The following LARGE1 variants were observed in gnomAD, a reference collection of about 807,000 sequenced individuals.
The protein encoded by LARGE1 is LARGE xylosyl- and glucuronyltransferase 1, also known as xylosyl- and glucuronyltransferase LARGE1.
Under a neutral mutation model 87.6 loss-of-function variants are expected in LARGE1, and 43 were observed. That is an observed-to-expected ratio of 0.49 (90% CI 0.38 to 0.63). The LOEUF is 0.63. Among genes scored for constraint, LARGE1 ranks in the 30% least tolerant of loss-of-function variants. The pLI, the probability that LARGE1 is intolerant of heterozygous loss-of-function variation, is 0.00. For missense variants in LARGE1, 802 were observed against 1,000.2 expected (o/e 0.80, Z 2.67); for synonymous variants, 434 against 394.6 (o/e 1.10, Z -1.18).
intron 11 of LARGE1, among the ~76,000 whole-genome samples, chr22:33,251,080 C>T (rs562269901): frequency 6.6e-6 from 1 of 152,270 alleles, no homozygotes; most frequent in East Asian, 1.9e-4. Context: ...GGTACAATTT[C>T]TTCCTCAAAT....
At chr22:33,517,484 C>T (rs982330731) in intron 6 of LARGE1, among the ~76,000 whole-genome samples, 11 of 152,322 alleles carry the variant, frequency 7.2e-5, no homozygotes, top group Admixed American at 2.0e-4. Flanking sequence ...GGTTCAAGCG[C>T]GATTCTCCTG....
chr22:33,416,360 C>T (rs2066483047), intron 7 of LARGE1, among the ~76,000 whole-genome samples: 1 of 152,182 alleles, frequency 6.6e-6, no homozygotes, highest in South Asian at 2.1e-4. Flanking sequence ...TCTGCAAAGT[C>T]CATGCCACCA....
At chr22:33,219,000 C>G (rs55654459) in intron 11 of LARGE1, among the ~76,000 whole-genome samples, 2,744 of 152,286 alleles carry the variant, frequency 0.018, 32 homozygotes, top group Non-Finnish European at 0.028. Context: ...CCGCCTTTAT[C>G]TGCTATCTGG....
chr22:33,097,428 C>T, the LARGE1 span, among the ~76,000 whole-genome samples: 1 of 152,118 alleles, frequency 6.6e-6, no homozygotes, highest in Admixed American at 6.5e-5. Context: ...AGTACTTCAC[C>T]AATTGCTATA....
rs537192654 is a variant in LARGE1, at chr22:33,241,977, T to C, written c.1730+62252A>G. The stretch of plus-strand genomic sequence containing the variant: ...CTATAATTAATAATGCATTACATAA[T>C]TCAAAATTGCTAAAAGTAGATCTTA... On this transcript the variant is annotated intron_variant, in intron 11 of 11. Coordinates refer to the LARGE1 transcript ENST00000608642. Among the ~76,000 whole-genome samples the C allele has an allele frequency of 2.0e-5, 3 of 152,234 alleles. No homozygotes were observed. In the South Asian group the frequency reaches 6.2e-4, roughly 32 times the overall value.
At chr22:33,619,977 AC>A (rs1256823119) in intron 4 of LARGE1, among the ~76,000 whole-genome samples, 1 of 152,022 alleles carries the variant, frequency 6.6e-6, no homozygotes, top group African/African-American at 2.4e-5. Context: ...GCTTAGGGTC[AC>A]CCAGCTCAGG....
intron 2 of LARGE1, among the ~76,000 whole-genome samples, chr22:33,677,536 C>T (rs1203744327): frequency 6.6e-6 from 1 of 152,094 alleles, no homozygotes; most frequent in Non-Finnish European, 1.5e-5. Flanking sequence ...TGTTTATCTC[C>T]TCTCTCCTTC....
At chr22:33,249,743 A>AT (rs1212777934) in intron 11 of LARGE1, among the ~76,000 whole-genome samples, 4 of 152,094 alleles carry the variant, frequency 2.6e-5, no homozygotes, top group Non-Finnish European at 4.4e-5. Context: ...CTCTAGATGT[A>AT]TTTTTTGCAT....
intron 10 of LARGE1, among the ~76,000 whole-genome samples, chr22:33,321,694 G>A (rs534874646): frequency 2.4e-4 from 36 of 152,334 alleles, no homozygotes; most frequent in Non-Finnish European, 4.1e-4. Context: ...TGTGTGTGGA[G>A]AAATGGGTCC....
the LARGE1 span, among the ~76,000 whole-genome samples, chr22:33,088,879 CAAGGTTAATTACAGTGTGAGA>C: frequency 6.6e-6 from 1 of 152,142 alleles, no homozygotes; most frequent in Non-Finnish European, 1.5e-5. Flanking sequence ...TCCTATTTCA[CAAGGTTAATTACAGTGTGAGA>C]TAATCCTTTG....
intron 9 of LARGE1, among the ~76,000 whole-genome samples, chr22:33,375,548 T>C (rs942542237): frequency 6.6e-6 from 1 of 152,146 alleles, no homozygotes; most frequent in Non-Finnish European, 1.5e-5. Context: ...ATTGGTTATA[T>C]CATCAAGGCT....
At chr22:33,639,614 G>A (rs1231793543) in intron 3 of LARGE1, among the ~76,000 whole-genome samples, 6 of 152,090 alleles carry the variant, frequency 3.9e-5, no homozygotes, top group Non-Finnish European at 8.8e-5. Context: ...AATTGTCTAA[G>A]GTCACAAGAC....
intron 2 of LARGE1, among the ~76,000 whole-genome samples, chr22:33,660,099 T>G (rs901038205): frequency 1.3e-4 from 20 of 151,068 alleles, no homozygotes; most frequent in African/African-American, 4.6e-4. Flanking sequence ...TGTTTTTTTT[T>G]TTTTTTTTTG....
chr22:33,910,155 A>AAG (rs1368726509), intron 1 of LARGE1, among the ~76,000 whole-genome samples: 1 of 152,140 alleles, frequency 6.6e-6, no homozygotes, highest in African/African-American at 2.4e-5. Flanking sequence ...TTAACTTATG[A>AAG]CACATTTTTT....
chr22:33,629,963 C>T (rs2080051738), intron 3 of LARGE1, among the ~76,000 whole-genome samples: 1 of 152,168 alleles, frequency 6.6e-6, no homozygotes, highest in Non-Finnish European at 1.5e-5. Flanking sequence ...CTTTGGGAGG[C>T]CGAGGCGGCG....
the LARGE1 span, among the ~76,000 whole-genome samples, chr22:33,070,788 T>C: frequency 6.6e-6 from 1 of 152,260 alleles, no homozygotes; most frequent in East Asian, 1.9e-4. Context: ...ACATTTTGTG[T>C]GTTCTGGGAG....
At chr22:33,626,393 T>C in intron 3 of LARGE1, 67 bp from the exon 4 acceptor site, 2 of 1,272,872 alleles carry the variant, frequency 1.6e-6, no homozygotes, top group Non-Finnish European at 2.3e-6. Flanking sequence ...GTGCTTCAGA[T>C]CACACTAGAA....
intron 6 of LARGE1, among the ~76,000 whole-genome samples, chr22:33,439,266 C>T (rs1359514643): frequency 6.6e-6 from 1 of 151,306 alleles, no homozygotes; most frequent in Non-Finnish European, 1.5e-5. Flanking sequence ...ATGGGAGATG[C>T]TCAACTAAAG....
At position 33,541,208 on chromosome 22, in the gene LARGE1, A is replaced by AG. The variant is rs1217435290; in HGVS notation, c.787+23639_787+23640insC. 2.7e-5 allele frequency among the ~76,000 whole-genome samples: 4 copies of AG among 150,654 alleles called. No individual in the cohort carries two copies. In the South Asian group the frequency reaches 6.3e-4, roughly 24 times the overall value. On this transcript the variant is annotated intron_variant, in intron 6 of 14. Transcript: ENST00000397394. ...AAAAGTGGGGGAAAAAAAGAAAAAA[A>AG]AAAAAAAAGAAAATATGGCAGGGAG...
Sources: allele counts gnomAD v4.1 joint callset (sites outside exome capture counted in the v4.1 genomes callset), GRCh38; gene constraint gnomAD v4.1.1; transcripts MANE v1.5; gene names NCBI Gene and HGNC (gene_info 2026-07-23, HGNC 2026-07-21).